Variants in EFCAB6 observed in about 807,000 individuals in gnomAD.
The protein encoded by EFCAB6 is EF-hand calcium binding domain 6, also known as EF-hand calcium-binding domain-containing protein 6.
EFCAB6 carries 156 observed loss-of-function variants against 169.8 expected under a neutral mutation model. That is an observed-to-expected ratio of 0.92 (90% CI 0.81 to 1.05). The LOEUF is 1.05. Ranked by LOEUF, EFCAB6 falls within the 50% of genes least tolerant of loss-of-function variation. The pLI is 0.00. For synonymous variants in EFCAB6, 698 were observed against 676.4 expected (o/e 1.03, Z -0.50); for missense variants, 1,800 against 1,829.1 (o/e 0.98, Z 0.29).
intron 17 of EFCAB6, among the ~76,000 whole-genome samples, chr22:43,638,783 CCT>C (rs1215384778): frequency 6.6e-6 from 1 of 151,920 alleles, no homozygotes; most frequent in Non-Finnish European, 1.5e-5. Flanking sequence ...TCTCCTGCAC[CCT>C]GTTCTTTTTT....
intron 12 of EFCAB6, among the ~76,000 whole-genome samples, chr22:43,680,953 T>G (rs939785277): frequency 2.0e-5 from 3 of 152,182 alleles, no homozygotes; most frequent in African/African-American, 7.2e-5. Flanking sequence ...TGCCTTTTAT[T>G]TCTTTTTCTT....
intron 10 of EFCAB6, among the ~76,000 whole-genome samples, chr22:43,695,343 A>G (rs924928334): frequency 6.6e-6 from 1 of 152,044 alleles, no homozygotes; most frequent in African/African-American, 2.4e-5. Flanking sequence ...GACTAGGAAA[A>G]TTAAAGACAA....
intron 6 of EFCAB6, among the ~76,000 whole-genome samples, chr22:43,736,757 C>T (rs970712857): frequency 6.6e-6 from 1 of 152,126 alleles, no homozygotes; most frequent in Non-Finnish European, 1.5e-5. Flanking sequence ...AGCCTTTCAA[C>T]CCCTCTGAAG....
intron 10 of EFCAB6, among the ~76,000 whole-genome samples, chr22:43,700,499 A>G (rs2147267135): frequency 6.6e-6 from 1 of 152,338 alleles, no homozygotes; most frequent in South Asian, 2.1e-4. Flanking sequence ...AAATGCAGTA[A>G]GCCTGACTTT....
At chr22:43,580,686 T>C (rs780081303) in intron 24 of EFCAB6, 27 bp from the exon 25 acceptor site, 1 of 1,608,614 alleles carries the variant, frequency 6.2e-7, no homozygotes, top group South Asian at 1.1e-5. Context: ...GAAAAGAACA[T>C]ATTCATTTTA....
In EFCAB6 at chr22:43,782,238, A is replaced by G; in HGVS notation, c.81T>C (p.Ser27=). Residue 27 remains serine, a synonymous_variant, in exon 3 of 32, where the codon TCT becomes TCC. Coordinates refer to ENST00000262726, the MANE Select transcript of EFCAB6 (RefSeq NM_022785.4). ...TCCTTGAATATACTCTACACGGTGAAGAATGGGGTCTTGAATGTGTAAATT... is the reference window on the plus strand; with the variant it reads ...TCCTTGAATATACTCTACACGGTGAGGAATGGGGTCTTGAATGTGTAAATT... ...TRKFTHSRPH[S]SPCRVYSRNG... 1 of 1,614,094 alleles carries G rather than the reference A, an allele frequency of 6.2e-7. No homozygotes were observed. The highest frequency in any genetic ancestry group is 1.3e-5 in the African/African-American group (1 of 75,062).
chr22:43,769,714 A>G (rs1160605436), intron 4 of EFCAB6, among the ~76,000 whole-genome samples: 3 of 152,108 alleles, frequency 2.0e-5, no homozygotes, highest in Non-Finnish European at 4.4e-5. Flanking sequence ...ACAGTGTTGG[A>G]GGAGCCATCA....
At chr22:43,700,349 T>G (rs2058724632) in intron 10 of EFCAB6, among the ~76,000 whole-genome samples, 3 of 152,232 alleles carry the variant, frequency 2.0e-5, no homozygotes, top group Non-Finnish European at 4.4e-5. Context: ...AATTGGATGG[T>G]AAGAATAGGC....
At chr22:43,557,251 T>A (rs554756431) in intron 26 of EFCAB6, among the ~76,000 whole-genome samples, 118 of 152,304 alleles carry the variant, frequency 7.7e-4, no homozygotes, top group African/African-American at 2.5e-3. Flanking sequence ...CCTGAGATGA[T>A]GTATATGAAT....
intron 5 of EFCAB6, among the ~76,000 whole-genome samples, chr22:43,764,182 T>C (rs995094964): frequency 6.6e-6 from 1 of 152,208 alleles, no homozygotes; most frequent in African/African-American, 2.4e-5. Context: ...TAGTACCTAA[T>C]AGTTTTTCAG....
chr22:43,569,193 G>C (rs1221533420), intron 26 of EFCAB6, among the ~76,000 whole-genome samples: 1 of 152,250 alleles, frequency 6.6e-6, no homozygotes, highest in Non-Finnish European at 1.5e-5. Context: ...CACATGCATG[G>C]AAGGAGCTGC....
rs999150311 is a variant in EFCAB6 at position 43,595,359 on chromosome 22, T to C, written c.2876+4710A>G. On this transcript the variant is annotated intron_variant, in intron 23 of 31. Coordinates refer to ENST00000262726, the MANE Select transcript of EFCAB6 (RefSeq NM_022785.4). ...TGGTTTTTGAAAAGATAAACAAAAT[T>C]GACAAACTTTTAGCTAGACTATGAA... is the stretch of plus-strand genomic sequence containing the variant. Among the ~76,000 whole-genome samples, 11 of 151,852 alleles carry C rather than the reference T, an allele frequency of 7.2e-5. No individual in the cohort carries two copies. In the East Asian group the frequency reaches 1.7e-3, roughly 24 times the overall value.
chr22:43,600,141 A>T lies in EFCAB6; in HGVS notation c.2804T>A (p.Phe935Tyr), dbSNP rs1438962774. 1.9e-6 allele frequency: 3 copies of T among 1,614,018 alleles called. No homozygotes were observed. The highest frequency in any genetic ancestry group is 2.7e-5 in the African/African-American group (2 of 74,902). Residue 935 changes from phenylalanine to tyrosine, a missense_variant, in exon 23 of 32, where the codon TTT (phenylalanine) becomes TAT (tyrosine). Transcript: ENST00000262726. Reference sequence around the variant, plus strand: ...TTCCTGTAGCTGCTGTGGCTTTGTAAAATGACCCATGAAGTTGAAATAATC... The same window carrying T: ...TTCCTGTAGCTGCTGTGGCTTTGTATAATGACCCATGAAGTTGAAATAATC... ...AEDYFNFMGH[F>Y]TKPQQLQEEM...
intron 10 of EFCAB6, among the ~76,000 whole-genome samples, chr22:43,707,970 T>C (rs1443607261): frequency 6.6e-6 from 1 of 151,902 alleles, no homozygotes; most frequent in Non-Finnish European, 1.5e-5. Flanking sequence ...AAATACTGAT[T>C]TTTAGACTTT....
chr22:43,662,159 AAAT>A (rs55680208), intron 17 of EFCAB6, among the ~76,000 whole-genome samples: 55,013 of 136,928 alleles, frequency 0.4, 11,766 homozygotes, highest in East Asian at 0.61. Context: ...CTCCATTTCA[AAAT>A]AATAATAATA....
intron 21 of EFCAB6, among the ~76,000 whole-genome samples, chr22:43,613,953 C>T (rs979789764): frequency 6.6e-6 from 1 of 152,000 alleles, no homozygotes; most frequent in Admixed American, 6.6e-5. Flanking sequence ...TTTGCAAGAG[C>T]TCTTATATGC....
At chr22:43,615,787 A>G (rs754890858) in intron 21 of EFCAB6, 39 bp downstream of exon 21, 4 of 1,553,930 alleles carry the variant, frequency 2.6e-6, no homozygotes, top group African/African-American at 2.7e-5. Flanking sequence ...ACATTGAAAT[A>G]GATTTTCTTT....
chr22:43,638,637 T>G (rs1486979841), intron 17 of EFCAB6, among the ~76,000 whole-genome samples: 1 of 152,240 alleles, frequency 6.6e-6, no homozygotes, highest in Non-Finnish European at 1.5e-5. Context: ...GACACTTGTT[T>G]GCTATGTCTC....
chr22:43,647,722 C>T (rs2056250649), intron 17 of EFCAB6, among the ~76,000 whole-genome samples: 1 of 152,110 alleles, frequency 6.6e-6, no homozygotes, highest in South Asian at 2.1e-4. Context: ...CAGAGGCACA[C>T]AGAGAGGAGA....
Sources: allele counts gnomAD v4.1 joint callset (sites outside exome capture counted in the v4.1 genomes callset), GRCh38; gene constraint gnomAD v4.1.1; transcripts MANE v1.5; gene names NCBI Gene and HGNC (gene_info 2026-07-23, HGNC 2026-07-21).